Variants in CHSY3 observed in about 807,000 individuals in gnomAD.
The protein encoded by CHSY3 is chondroitin sulfate synthase 3.
CHSY3 carries 35 observed loss-of-function variants against 67.2 expected under a neutral mutation model. That is an observed-to-expected ratio of 0.52 (90% confidence interval 0.40 to 0.69). The LOEUF (loss-of-function observed/expected upper bound fraction) is 0.69. Among genes scored for constraint, CHSY3 ranks in the 30% least tolerant of loss-of-function variants. The pLI is 0.00. For synonymous variants in CHSY3, 474 were observed against 434.7 expected (o/e 1.09, Z -1.12); for missense variants, 1,069 against 1,138.5 (o/e 0.94, Z 0.88).
intron 2 of CHSY3, among the ~76,000 whole-genome samples, chr5:130,092,308 G>C (rs1420951779): frequency 6.6e-6 from 1 of 152,138 alleles, no homozygotes; most frequent in Non-Finnish European, 1.5e-5. Flanking sequence ...GACAAATCTT[G>C]AGTTACAGAT....
chr5:129,997,069 T>G (rs773663528), intron 2 of CHSY3, among the ~76,000 whole-genome samples: 2 of 151,888 alleles, frequency 1.3e-5, no homozygotes, highest in African/African-American at 2.4e-5. Flanking sequence ...TGCAGAAACT[T>G]CTGATGATGA....
intron 2 of CHSY3, among the ~76,000 whole-genome samples, chr5:129,951,725 G>T (rs566206227): frequency 2.0e-5 from 3 of 151,996 alleles, no homozygotes; most frequent in Admixed American, 6.6e-5. Context: ...ACATAGAAGC[G>T]GTCTAAACCA....
chr5:129,912,084 A>T (rs897898617), intron 2 of CHSY3, among the ~76,000 whole-genome samples: 4 of 151,996 alleles, frequency 2.6e-5, no homozygotes, highest in Admixed American at 1.3e-4. Context: ...CAACAAAAAA[A>T]CTTACTATGA....
chr5:130,141,828 C>A (rs1768876210), intron 2 of CHSY3: 1 of 377,014 alleles, frequency 2.7e-6, no homozygotes, highest in Non-Finnish European at 5.2e-6. Flanking sequence ...TCTGCAACCA[C>A]ATAATTACCA....
At chr5:129,927,723 C>T (rs753892648) in intron 2 of CHSY3, among the ~76,000 whole-genome samples, 1 of 151,934 alleles carries the variant, frequency 6.6e-6, no homozygotes, top group African/African-American at 2.4e-5. Flanking sequence ...AAAACATTTA[C>T]ACTTGTATTT....
intron 2 of CHSY3, among the ~76,000 whole-genome samples, chr5:130,168,581 G>T (rs1293138498): frequency 6.6e-6 from 1 of 152,082 alleles, no homozygotes; most frequent in Non-Finnish European, 1.5e-5. Context: ...ACATTTAGAA[G>T]CTTGGGAAAT....
intron 2 of CHSY3, among the ~76,000 whole-genome samples, chr5:130,112,961 C>T (rs945157331): frequency 6.6e-6 from 1 of 151,956 alleles, no homozygotes; most frequent in Admixed American, 6.6e-5. Context: ...ATTACTATTA[C>T]ATAGTCATTT....
chr5:130,178,221 TTATATTTATA>T (rs1412787832), intron 2 of CHSY3, among the ~76,000 whole-genome samples: 6 of 89,634 alleles, frequency 6.7e-5, no homozygotes, highest in African/African-American at 2.7e-4. Flanking sequence ...ATGTATATAT[TTATATTTATA>T]TATATATATA....
intron 2 of CHSY3, among the ~76,000 whole-genome samples, chr5:130,085,975 C>T (rs2530250): frequency 0.32 from 48,429 of 151,866 alleles, 7,935 homozygotes; most frequent in South Asian, 0.43. Flanking sequence ...GTCTGAGAGA[C>T]AGTTTGTTAT....
intron 2 of CHSY3, among the ~76,000 whole-genome samples, chr5:129,984,491 T>C (rs976901378): frequency 6.6e-6 from 1 of 152,126 alleles, no homozygotes; most frequent in African/African-American, 2.4e-5. Context: ...GACACACACA[T>C]TCATGTGTCT....
In CHSY3 at chr5:129,956,164, T is replaced by A. The variant is rs74406683; in HGVS notation, c.1086+47804T>A. 7.0e-3 allele frequency among the ~76,000 whole-genome samples: 1,062 copies of A among 152,290 alleles called. 7 individuals are homozygous for A. The highest frequency in any genetic ancestry group is 0.024 in the African/African-American group (1,006 of 41,560). ...CTAATTTACACTCCCGCCAACAGTG[T>A]ATAAGCATTTTTTTTCTCCAAAACC... On this transcript the variant is annotated intron_variant, in intron 2 of 2. Transcript: ENST00000305031.
chr5:130,008,027 C>T (rs1763925625), intron 2 of CHSY3, among the ~76,000 whole-genome samples: 1 of 152,178 alleles, frequency 6.6e-6, no homozygotes, highest in African/African-American at 2.4e-5. Context: ...CACATGCAGC[C>T]TCCCCCACAC....
At chr5:130,122,177 A>G (rs1768056252) in intron 2 of CHSY3, among the ~76,000 whole-genome samples, 1 of 151,936 alleles carries the variant, frequency 6.6e-6, no homozygotes, top group South Asian at 2.1e-4. Flanking sequence ...ATATATACAT[A>G]CATACATGCA....
chr5:130,085,765 C>A (rs1223485906), intron 2 of CHSY3, among the ~76,000 whole-genome samples: 1 of 152,086 alleles, frequency 6.6e-6, no homozygotes, highest in Non-Finnish European at 1.5e-5. Context: ...AAATTTCCCT[C>A]TACACACTGC....
chr5:130,117,465 T>C lies in CHSY3; in HGVS notation c.1087-66764T>C, dbSNP rs115177149. Among the ~76,000 whole-genome samples, 937 of 152,296 alleles carry C rather than the reference T, an allele frequency of 6.2e-3. 9 individuals carry two copies. Among genetic ancestry groups the C allele is most frequent in the African/African-American group, 0.022 (908 of 41,562 alleles). On this transcript the variant is annotated intron_variant, in intron 2 of 2. Coordinates refer to ENST00000305031, the MANE Select transcript of CHSY3 (RefSeq NM_175856.5). ...AACCAGTCTTCTGATTCCCAGTCAA[T>C]GGCTTTCTCTCTGAGCTCTTTGCAG...
chr5:130,185,359 A>G lies in CHSY3; in HGVS notation c.2217A>G (p.Gln739=). ...GTAGAGACAATACAATTCAGGGACA[A>G]CAGGTGTACTATCCCATCATCTTTA... ...QRCRDNTIQG[Q]QVYYPIIFSQ... The change falls in exon 3 of 3, where the codon CAA becomes CAG. Residue 739 remains glutamine, a synonymous_variant. Transcript: ENST00000305031. 1.9e-6 allele frequency: 3 copies of G among 1,604,718 alleles called. No homozygotes were observed. The highest frequency in any genetic ancestry group is 1.1e-5 in the South Asian group (1 of 90,926).
chr5:129,975,667 A>T (rs1341641073), intron 2 of CHSY3, among the ~76,000 whole-genome samples: 1 of 152,164 alleles, frequency 6.6e-6, no homozygotes, highest in Non-Finnish European at 1.5e-5. Context: ...TTTGAATAAT[A>T]TTTGATGTGT....
intron 2 of CHSY3, among the ~76,000 whole-genome samples, chr5:130,087,736 G>A (rs1290047717): frequency 1.3e-5 from 2 of 151,966 alleles, no homozygotes; most frequent in East Asian, 3.9e-4. Flanking sequence ...ACAAATGGAA[G>A]AACATTCCAT....
intron 2 of CHSY3, among the ~76,000 whole-genome samples, chr5:130,078,890 G>A (rs1766360462): frequency 6.6e-6 from 1 of 152,150 alleles, no homozygotes; most frequent in Non-Finnish European, 1.5e-5. Flanking sequence ...CGGATCCATT[G>A]CTACATGTCT....
Sources: gnomAD v4.1 joint callset for allele counts (sites outside exome capture counted in the v4.1 genomes callset) on GRCh38, gnomAD v4.1.1 for gene constraint, MANE v1.5 for transcripts, NCBI Gene and HGNC (gene_info 2026-07-23, HGNC 2026-07-21) for gene names.